The following ADAM28 variants were observed in gnomAD, a reference collection of about 807,000 sequenced individuals.
ADAM28 encodes ADAM metallopeptidase domain 28, also known as disintegrin and metalloproteinase domain-containing protein 28.
ADAM28 carries 105 observed loss-of-function variants against 101.2 expected under a neutral mutation model. That is an observed-to-expected ratio of 1.04 (90% confidence interval 0.89 to 1.22). The LOEUF (loss-of-function observed/expected upper bound fraction) is 1.22, where lower values mean the gene tolerates loss of function less well. Ranked by LOEUF, ADAM28 falls within the 50% of genes most tolerant of loss-of-function variation. The probability of loss-of-function intolerance (pLI) is 0.00; values close to 1 mark genes in which losing one functional copy is unlikely to be tolerated. For missense variants in ADAM28, 1,028 were observed against 945.4 expected (o/e 1.09, Z -1.15); for synonymous variants, 322 against 310.6 (o/e 1.04, Z -0.39).
At chr8:24,315,823 G>T (rs1020269386) in intron 6 of ADAM28, among the ~76,000 whole-genome samples, 1 of 151,836 alleles carries the variant, frequency 6.6e-6, no homozygotes, top group Non-Finnish European at 1.5e-5. Context: ...AATCAAATGG[G>T]ACTTATCCTT....
At chr8:24,315,210 A>C (rs1332492336) in intron 6 of ADAM28, among the ~76,000 whole-genome samples, 2 of 151,996 alleles carry the variant, frequency 1.3e-5, no homozygotes, top group Non-Finnish European at 2.9e-5. Context: ...AAAGACATGC[A>C]TAGGCTGAAA....
At position 24,324,031 on chromosome 8, in the gene ADAM28, A is replaced by G. The variant is rs755598451; in HGVS notation, c.890+28A>G. On this transcript the variant is annotated intron_variant, in intron 9 of 22. Transcript: ENST00000265769. ...ATGTACAGATTTTCTCCCATTGCAC[A>G]CTATGTGGTATTTAGTGGATGCTTT... 1.4e-5 allele frequency: 23 copies of G among 1,606,148 alleles called. No homozygotes were observed. The East Asian group carries it at 4.9e-4, about 34-fold the overall frequency.
chr8:24,306,366 AT>A (rs1809655829), intron 2 of ADAM28, among the ~76,000 whole-genome samples: 2 of 124,620 alleles, frequency 1.6e-5, no homozygotes, highest in African/African-American at 2.9e-5. Flanking sequence ...ATAAATAAAT[AT>A]ATATATATAT....
At chr8:24,347,414 A>G (rs558489804) in intron 18 of ADAM28, among the ~76,000 whole-genome samples, 1 of 152,146 alleles carries the variant, frequency 6.6e-6, no homozygotes, top group African/African-American at 2.4e-5. Flanking sequence ...AGTGTATTGG[A>G]GAGTATTCAT....
intron 12 of ADAM28, among the ~76,000 whole-genome samples, chr8:24,332,387 A>G (rs775661834): frequency 6.6e-6 from 1 of 152,146 alleles, no homozygotes; most frequent in Non-Finnish European, 1.5e-5. Context: ...TTTTCTTCAT[A>G]TTTTACCAAA....
intron 9 of ADAM28, among the ~76,000 whole-genome samples, chr8:24,324,633 T>G (rs768001413): frequency 3.9e-5 from 6 of 152,114 alleles, no homozygotes; most frequent in Non-Finnish European, 7.4e-5. Context: ...AATTAGTTAA[T>G]GTTTCTGTGC....
intron 18 of ADAM28, among the ~76,000 whole-genome samples, chr8:24,347,699 T>G (rs777755609): frequency 6.6e-6 from 1 of 152,116 alleles, no homozygotes; most frequent in Non-Finnish European, 1.5e-5. Context: ...CGTATTATTA[T>G]ATACATACAA....
intron 2 of ADAM28, among the ~76,000 whole-genome samples, chr8:24,304,595 T>C (rs985972999): frequency 6.6e-6 from 1 of 152,024 alleles, no homozygotes; most frequent in African/African-American, 2.4e-5. Context: ...GCTGGGTGCA[T>C]TGGCTCACAC....
chr8:24,325,882 A>AC lies in ADAM28; in HGVS notation c.891-672_891-671insC, dbSNP rs1350941181. Among the ~76,000 whole-genome samples the AC allele has an allele frequency of 1.4e-4, 20 of 144,762 alleles. 1 individual carries two copies. The highest frequency in any genetic ancestry group is 4.0e-4 in the African/African-American group (16 of 39,758). 95.0% of individuals were successfully genotyped at this position (144,762 alleles called of 152,430 possible). On this transcript the variant is annotated intron_variant, in intron 9 of 22. Transcript: ENST00000265769. Reference sequence around the variant, plus strand: ...TCTTGTACAGATAGCAAAAAAAAAAAAAAAAAAAAAAAAAAAAACCAAAAA... The same window carrying AC: ...TCTTGTACAGATAGCAAAAAAAAAAACAAAAAAAAAAAAAAAAAACCAAAAA...
intron 14 of ADAM28, chr8:24,335,863 T>A (rs907270818): frequency 1.2e-4 from 152 of 1,230,628 alleles, no homozygotes; most frequent in Non-Finnish European, 1.5e-4. Context: ...AATTAACAAG[T>A]TTTTTGTTAA....
At chr8:24,318,169 G>A (rs1236606903) in intron 6 of ADAM28, among the ~76,000 whole-genome samples, 1 of 152,004 alleles carries the variant, frequency 6.6e-6, no homozygotes, top group Admixed American at 6.6e-5. Flanking sequence ...CCAGAAGTTG[G>A]TGAAACTCCT....
intron 14 of ADAM28, chr8:24,336,116 G>A (rs1655439353): frequency 1.0e-6 from 1 of 985,932 alleles, no homozygotes; most frequent in South Asian, 4.7e-5. Context: ...ATGGAAAAAA[G>A]AAAAGAACTC....
chr8:24,340,934 T>C (rs889761626), intron 15 of ADAM28: 12 of 152,188 alleles, frequency 7.9e-5, no homozygotes, highest in Admixed American at 4.6e-4. Flanking sequence ...TGAGTGAGTG[T>C]TGAGCAGTTT....
At chr8:24,330,479 G>A (rs1813224306) in intron 11 of ADAM28, among the ~76,000 whole-genome samples, 1 of 152,092 alleles carries the variant, frequency 6.6e-6, no homozygotes, top group Non-Finnish European at 1.5e-5. Context: ...GGACAAAGAA[G>A]ACAGTCTATG....
chr8:24,295,573 G>A (rs959068255), intron 1 of ADAM28, among the ~76,000 whole-genome samples: 19 of 152,224 alleles, frequency 1.2e-4, no homozygotes, highest in Admixed American at 4.6e-4. Context: ...TAGTTGAAGA[G>A]CGTAAAGATC....
At chr8:24,335,785 A>G in intron 14 of ADAM28, 144 bp downstream of exon 14, 1 of 1,319,292 alleles carries the variant, frequency 7.6e-7, no homozygotes, top group Non-Finnish European at 9.7e-7. Flanking sequence ...TTAAGATTTG[A>G]GGTTGGTTTT....
intron 2 of ADAM28, among the ~76,000 whole-genome samples, chr8:24,303,101 A>C (rs1167041153): frequency 6.6e-6 from 1 of 151,534 alleles, no homozygotes; most frequent in East Asian, 1.9e-4. Flanking sequence ...TTGTCTGTTC[A>C]CTCTGATGAT....
intron 11 of ADAM28, 105 bp downstream of exon 11, chr8:24,330,220 G>A: frequency 7.3e-7 from 1 of 1,370,504 alleles, no homozygotes; most frequent in Non-Finnish European, 9.8e-7. Context: ...GAGTTTTTGA[G>A]TCACTAAATG....
rs1816532682 is a variant in ADAM28, at chr8:24,354,399, G to C, written c.2323G>C (p.Ala775Pro). 5 of 1,602,850 alleles carry C rather than the reference G, an allele frequency of 3.1e-6. No homozygotes were observed. The highest frequency in any genetic ancestry group is 4.3e-6 in the Non-Finnish European group (5 of 1,174,432). Residue 775 changes from alanine to proline, a missense_variant, in exon 23 of 23, where the codon GCA (alanine) becomes CCA (proline). By Grantham distance (27) the Ala-to-Pro change is conservative. Transcript: ENST00000265769. ...TCTTTTTTAGGACTCAAATCCAAAA[G>C]CATGAAGCAACAGCTAAGCAAGAAC... ...VSTPKDSNPKA is the reference protein window; with the variant it reads ...VSTPKDSNPKP
Sources: allele counts gnomAD v4.1 joint callset (sites outside exome capture counted in the v4.1 genomes callset), GRCh38; gene constraint gnomAD v4.1.1; transcripts MANE v1.5; gene names NCBI Gene and HGNC (gene_info 2026-07-23, HGNC 2026-07-21).